Variants in GAS5 observed in about 807,000 individuals in gnomAD.
GAS5 encodes growth arrest specific 5 (non-protein coding).
chr1:173,867,557 G>A (rs751144637), upstream of GAS5: 1 of 479,010 alleles, frequency 2.1e-6, no homozygotes, highest in Non-Finnish European at 4.2e-6. Context: ...TGACACTGCG[G>A]AATGCAGGCA....
Position 173,866,106 on chromosome 1 carries a change from T to G in GAS5, n.161+71A>C, listed in dbSNP as rs1654567902. On this transcript the variant is annotated intron_variant and non_coding_transcript_variant, in intron 4 of 7. Transcript: ENST00000651080. ...ATTTAATGCATTCAGCACTAGGAGG[T>G]AACTAAAAAGCCATTTGTGCCGTAG... is the stretch of plus-strand genomic sequence containing the variant. The G allele has an allele frequency of 1.2e-5, 6 of 510,580 alleles. No individual in the cohort carries two copies. In the Admixed American group the frequency reaches 1.2e-4, roughly 10 times the overall value. The allele number at this position is 510,580 out of a possible 1,614,324, so 31.6% of individuals were successfully genotyped here. A position where few individuals can be genotyped will look rare whatever the true frequency, so the allele number is the denominator to read the frequency against.
At chr1:173,864,073 A>C (rs1654175642) in intron 7 of GAS5, 1 of 469,318 alleles carries the variant, frequency 2.1e-6, no homozygotes, top group Non-Finnish European at 4.4e-6. Context: ...GTGAGGCAAG[A>C]CCCTGTCTCA....
In GAS5 at chr1:173,865,940, C is replaced by T. The variant is rs145305710; in HGVS notation, n.162-46G>A. 2,192 of 519,176 alleles carry T rather than the reference C, an allele frequency of 4.2e-3. 8 individuals are homozygous for T. Among genetic ancestry groups the T allele is most frequent in the Non-Finnish European group, 6.0e-3 (1,572 of 260,008 alleles). 32.2% of individuals were successfully genotyped at this position (519,176 alleles called of 1,614,324 possible). A position where few individuals can be genotyped will look rare whatever the true frequency, so the allele number is the denominator to read the frequency against. ...TAGAATAGCCACAGATGAGTGTTCA[C>T]CCCCTGCCAAAACTAACAAATGCCT... On this transcript the variant is annotated intron_variant and non_coding_transcript_variant, in intron 4 of 7. Coordinates refer to ENST00000651080, the Ensembl canonical transcript of GAS5.
exon 1 of GAS5, chr1:173,867,030 AC>A: frequency 1.3e-6 from 1 of 758,052 alleles, no homozygotes; most frequent in Non-Finnish European, 2.4e-6. Context: ...CTGCATCTGC[AC>A]CCAGCACCAT....
chr1:173,864,261 C>CA (rs1305275327), exon 7 of GAS5: 2 of 513,430 alleles, frequency 3.9e-6, no homozygotes, highest in Admixed American at 3.9e-5. Context: ...CCTCACCTTT[C>CA]AAGCAGTAAG....
intron 6 of GAS5, chr1:173,865,262 AG>A: frequency 2.6e-6 from 1 of 388,386 alleles, no homozygotes; most frequent in South Asian, 2.0e-5. Context: ...CACACAGTGT[AG>A]TCAAGCCGAC....
chr1:173,867,565 G>T (rs1196382140), upstream of GAS5: 2 of 488,158 alleles, frequency 4.1e-6, no homozygotes, highest in African/African-American at 3.9e-5. Flanking sequence ...CGGAATGCAG[G>T]CACTTAAGCA....
At chr1:173,867,135 CAA>C, upstream of GAS5, 1 of 604,142 alleles carries the variant, frequency 1.7e-6, no homozygotes, top group East Asian at 2.7e-5. Flanking sequence ...CTTTTTAAAC[CAA>C]TGATGCAGGT....
chr1:173,866,553 C>A, exon 3 of GAS5: 1 of 744,910 alleles, frequency 1.3e-6, no homozygotes, highest in Non-Finnish European at 2.5e-6. Context: ...TTGAGTTAGG[C>A]TTGCTCTTTA....
At chr1:173,864,546 C>CCTA (rs1445185586) in intron 6 of GAS5, 4 of 396,192 alleles carry the variant, frequency 1.0e-5, no homozygotes, top group Non-Finnish European at 2.0e-5. Flanking sequence ...TAAAATTTGC[C>CCTA]CTACTCAATT....
At chr1:173,866,820 A>T (rs1467318026) in intron 1 of GAS5, 1 of 765,032 alleles carries the variant, frequency 1.3e-6, no homozygotes. Context: ...AGATGCAAGC[A>T]AAACAGTGAG....
At chr1:173,867,222 A>T (rs1018810709), upstream of GAS5, 2 of 539,416 alleles carry the variant, frequency 3.7e-6, no homozygotes, top group Non-Finnish European at 6.5e-6. Flanking sequence ...CCCGCAGTTA[A>T]GAACCACCGA....
exon 2 of GAS5, chr1:173,866,766 T>C: frequency 1.3e-6 from 1 of 765,402 alleles, no homozygotes; most frequent in Non-Finnish European, 2.4e-6. Flanking sequence ...CTTACTTCAG[T>C]AGCTATTCTC....
chr1:173,867,133 A>T (rs1438637074), upstream of GAS5: 4 of 604,312 alleles, frequency 6.6e-6, no homozygotes, highest in Non-Finnish European at 1.2e-5. Context: ...GTCTTTTTAA[A>T]CCAATGATGC....
intron 6 of GAS5, chr1:173,865,046 A>C: frequency 2.7e-6 from 1 of 372,248 alleles, no homozygotes; most frequent in Non-Finnish European, 5.3e-6. Flanking sequence ...ATAGCTGTAC[A>C]AAATTAGCCA....
upstream of GAS5, chr1:173,867,417 G>A (rs1654921351): frequency 2.8e-6 from 1 of 354,596 alleles, no homozygotes; most frequent in South Asian, 2.3e-5. Flanking sequence ...TTGGGAGGCT[G>A]AGGCAGAACT....
chr1:173,867,841 C>T (rs1400981725), upstream of GAS5: 1 of 491,948 alleles, frequency 2.0e-6, no homozygotes, highest in African/African-American at 1.9e-5. Context: ...CCATCCTCAA[C>T]TTGTAGGCCC....
intron 7 of GAS5, chr1:173,864,224 A>G (rs1219604817): frequency 1.9e-6 from 1 of 517,282 alleles, no homozygotes; most frequent in South Asian, 1.4e-5. Context: ...TGTATTCTGC[A>G]ATTATAATAG....
upstream of GAS5, chr1:173,867,181 G>A: frequency 1.7e-6 from 1 of 575,728 alleles, no homozygotes; most frequent in Admixed American, 3.2e-5. Flanking sequence ...ACAGGTAAAG[G>A]ATACACTTAA....
Sources: gnomAD v4.1 joint callset for allele counts on GRCh38, gnomAD v4.1.1 for gene constraint, MANE v1.5 for transcripts, NCBI Gene and HGNC (gene_info 2026-07-23, HGNC 2026-07-21) for gene names.